ZBTB8B: variants seen among roughly 807,000 people sequenced by gnomAD.
ZBTB8B encodes zinc finger and BTB domain-containing protein 8B.
In ZBTB8B, 17 loss-of-function variants were observed where a neutral mutation model predicts 30.3. That is an observed-to-expected ratio of 0.56 (90% CI 0.38 to 0.84). ZBTB8B has a LOEUF of 0.84. Among genes scored for constraint, ZBTB8B ranks in the 40% least tolerant of loss-of-function variants. The pLI is 0.00. For synonymous variants in ZBTB8B, 248 were observed against 255.6 expected (o/e 0.97, Z 0.28); for missense variants, 515 against 644.9 (o/e 0.80, Z 2.18).
Position 32,465,692 on chromosome 1 carries a change from C to T in ZBTB8B, c.-42+587C>T, listed in dbSNP as rs886526397. Among the ~76,000 whole-genome samples, 1 of 152,200 alleles carries T rather than the reference C, an allele frequency of 6.6e-6. No individual in the cohort carries two copies. Among genetic ancestry groups the T allele is most frequent in the Admixed American group, 6.5e-5 (1 of 15,272 alleles). On this transcript the variant is annotated intron_variant, in intron 1 of 3. Coordinates refer to ENST00000609129, the MANE Select transcript of ZBTB8B (RefSeq NM_001145720.2). The surrounding 1 kb of genome is among the most constrained non-coding windows in gnomAD (Gnocchi z 4.1). ...GAAAGGAGTGACTTCCCCAACCTGT[C>T]GCATCGTGTCCTGGAGGGTTTGAGG...
chr1:32,471,759 T>C, intron 2 of ZBTB8B, 144 bp downstream of exon 2: 1 of 902,998 alleles, frequency 1.1e-6, no homozygotes, highest in Non-Finnish European at 1.6e-6. Context: ...AGTACCATCA[T>C]CATTACCATC....
At position 32,474,508 on chromosome 1, in the gene ZBTB8B, C is replaced by T. The variant is rs115818433; in HGVS notation, c.991+2893C>T. On this transcript the variant is annotated intron_variant, in intron 2 of 3. Coordinates refer to ENST00000609129, the MANE Select transcript of ZBTB8B (RefSeq NM_001145720.2). ...TGAGCTGTGATTGTGCTTCCAGCCT[C>T]GATGACAGAGTGAGACCTTGTCTCA... Among the ~76,000 whole-genome samples the T allele has an allele frequency of 7.1e-3, 1,052 of 148,946 alleles. 16 individuals carry two copies. The highest frequency in any genetic ancestry group is 0.024 in the African/African-American group (949 of 40,322).
chr1:32,471,454 T>G lies in ZBTB8B; in HGVS notation c.830T>G (p.Val277Gly). The change falls in exon 2 of 4, where the codon GTG (valine) becomes GGG (glycine). Residue 277 changes from valine to glycine, a missense_variant. Around this residue, in one of 3 missense-constraint regions of ZBTB8B, gnomAD observed 429 missense variants for 504.3 expected, o/e 0.85. Transcript: ENST00000609129. ...GACTTGGCTTACAGCAACTACCACG[T>G]GAAGCAGTTCCTGGAGGCGCTCTTG... ...AVDLAYSNYH[V>G]KQFLEALLRN... 11 of 1,551,820 alleles carry G rather than the reference T, an allele frequency of 7.1e-6. No homozygotes were observed. Among genetic ancestry groups the G allele is most frequent in the Non-Finnish European group, 9.6e-6 (11 of 1,147,016 alleles).
At chr1:32,478,509 C>A (rs561301650) in intron 2 of ZBTB8B, among the ~76,000 whole-genome samples, 1 of 151,980 alleles carries the variant, frequency 6.6e-6, no homozygotes, top group African/African-American at 2.4e-5. Context: ...GAGACTCCAT[C>A]TCAGGAAAAA....
chr1:32,472,728 C>T (rs1002967973), intron 2 of ZBTB8B, among the ~76,000 whole-genome samples: 1 of 152,162 alleles, frequency 6.6e-6, no homozygotes, highest in Non-Finnish European at 1.5e-5. Context: ...ATTCTTCTGC[C>T]TCAGCCTCCC....
Position 32,471,170 on chromosome 1 carries a change from A to C in ZBTB8B, c.546A>C (p.Gly182=). 1 of 1,551,778 alleles carries C rather than the reference A, an allele frequency of 6.4e-7. No homozygotes were observed. The highest frequency in any genetic ancestry group is 8.7e-7 in the Non-Finnish European group (1 of 1,147,016). Residue 182 remains glycine, a synonymous_variant, in exon 2 of 4, where the codon GGA becomes GGC. Coordinates refer to ENST00000609129, the MANE Select transcript of ZBTB8B (RefSeq NM_001145720.2). ...TKSLVSSPAE[G]EKSVECLRES... ...GCTTGGTCTCCTCTCCAGCCGAGGG[A>C]GAAAAGAGCGTGGAGTGCCTGAGAG...
At chr1:32,472,045 CCAT>C (rs1643626604) in intron 2 of ZBTB8B, among the ~76,000 whole-genome samples, 1 of 152,008 alleles carries the variant, frequency 6.6e-6, no homozygotes, top group African/African-American at 2.4e-5. Flanking sequence ...ATCATCATTA[CCAT>C]CATCACCAGT....
At chr1:32,476,168 C>T (rs1643663866) in intron 2 of ZBTB8B, among the ~76,000 whole-genome samples, 1 of 151,876 alleles carries the variant, frequency 6.6e-6, no homozygotes, top group East Asian at 1.9e-4. Flanking sequence ...CAGGGTCTCA[C>T]GCTGTCACCC....
chr1:32,482,061 C>T (rs1643709475), intron 3 of ZBTB8B, among the ~76,000 whole-genome samples: 1 of 152,128 alleles, frequency 6.6e-6, no homozygotes, highest in African/African-American at 2.4e-5. Context: ...GCAGCCTTGA[C>T]CTCCCAAGGC....
rs1643759817 is a variant in ZBTB8B, at chr1:32,488,397, C to T, written c.*2979C>T. On this transcript the variant is annotated 3_prime_UTR_variant, in exon 4 of 4. Transcript: ENST00000609129. ...TGATGTTTTAATGACTTTTCTACCT[C>T]ATAGTTCAGCCTCTTTGCCTGCTTT... 6.6e-6 allele frequency: 1 copy of T among 152,258 alleles called. No individual in the cohort carries two copies. The highest frequency in any genetic ancestry group is 1.5e-5 in the Non-Finnish European group (1 of 68,050). The allele number at this position is 152,258 out of a possible 1,614,324, so 9.4% of individuals were successfully genotyped here. A position where few individuals can be genotyped will look rare whatever the true frequency, so the allele number is the denominator to read the frequency against.
At chr1:32,471,694 GATCATT>G (rs1643622649) in intron 2 of ZBTB8B, 79 bp downstream of exon 2, 2 of 1,429,986 alleles carry the variant, frequency 1.4e-6, no homozygotes, top group Non-Finnish European at 1.9e-6. Context: ...CCATCATCAT[GATCATT>G]ATCACCATCA....
Position 32,487,510 on chromosome 1 carries a change from G to A in ZBTB8B, c.*2092G>A, listed in dbSNP as rs1643753956. The A allele has an allele frequency of 6.6e-6, 1 of 152,222 alleles. No individual in the cohort carries two copies. Among genetic ancestry groups the A allele is most frequent in the Non-Finnish European group, 1.5e-5 (1 of 68,062 alleles). 9.4% of individuals were successfully genotyped at this position (152,222 alleles called of 1,614,324 possible). The stretch of plus-strand genomic sequence containing the variant: ...CCACGTATTGGTCTGCAGTAGAATG[G>A]AAAATTTAAAACTTCTCTTATCACA... On this transcript the variant is annotated 3_prime_UTR_variant, in exon 4 of 4. Transcript: ENST00000609129.
chr1:32,481,198 T>C, intron 3 of ZBTB8B, 129 bp downstream of exon 3: 1 of 931,184 alleles, frequency 1.1e-6, no homozygotes, highest in Non-Finnish European at 1.5e-6. Flanking sequence ...TCCACGTATG[T>C]TTTTACTACT....
chr1:32,471,000 C>T lies in ZBTB8B; in HGVS notation c.376C>T (p.Arg126Ter). The change falls in exon 2 of 4, where the codon CGA becomes TGA. Residue 126 changes from arginine to a stop codon, truncating the protein, a stop_gained. Coordinates refer to ENST00000609129, the MANE Select transcript of ZBTB8B (RefSeq NM_001145720.2). LOFTEE classifies it high-confidence loss of function. ...CATTAGGTCATCCCTCGACATTTGC[C>T]GAAAGATGGAGAAGGAGGCTGCTGT... The part of the protein sequence containing the change: ...TYIRSSLDIC[R>*]KMEKEAAVAA... 5 of 1,552,138 alleles carry T rather than the reference C, an allele frequency of 3.2e-6. No homozygotes were observed. The highest frequency in any genetic ancestry group is 2.0e-5 in the Admixed American group (1 of 51,000).
chr1:32,482,586 G>T (rs1450316409), intron 3 of ZBTB8B, among the ~76,000 whole-genome samples: 1 of 148,130 alleles, frequency 6.8e-6, no homozygotes, highest in Non-Finnish European at 1.5e-5. Flanking sequence ...CAGGAGAACT[G>T]CTTGAACCCG....
chr1:32,478,744 G>C (rs546195453), intron 2 of ZBTB8B, among the ~76,000 whole-genome samples: 8 of 152,212 alleles, frequency 5.3e-5, no homozygotes, highest in Admixed American at 3.9e-4. Flanking sequence ...AAGGATGTTG[G>C]ACTTTCACAT....
intron 2 of ZBTB8B, among the ~76,000 whole-genome samples, chr1:32,473,163 G>T (rs1476003825): frequency 6.6e-6 from 1 of 152,184 alleles, no homozygotes; most frequent in Non-Finnish European, 1.5e-5. Context: ...AGCCAAGGCT[G>T]GGCGCGGCGG....
chr1:32,494,757 T>C lies in ZBTB8B; in HGVS notation c.*9339T>C, dbSNP rs1643804685. The C allele has an allele frequency of 6.6e-6, 1 of 152,112 alleles. No individual in the cohort carries two copies. The highest frequency in any genetic ancestry group is 6.6e-5 in the Admixed American group (1 of 15,254). 9.4% of individuals were successfully genotyped at this position (152,112 alleles called of 1,614,324 possible). A position where few individuals can be genotyped will look rare whatever the true frequency, so the allele number is the denominator to read the frequency against. ...AAAATTTCAAAAGTAAAAATATATA[T>C]ATTATTAACTTGAAGTGATTTTTTC... On this transcript the variant is annotated 3_prime_UTR_variant, in exon 4 of 4. Coordinates refer to ENST00000609129, the MANE Select transcript of ZBTB8B (RefSeq NM_001145720.2).
intron 2 of ZBTB8B, among the ~76,000 whole-genome samples, chr1:32,476,486 T>A (rs1643666204): frequency 6.6e-6 from 1 of 152,148 alleles, no homozygotes; most frequent in African/African-American, 2.4e-5. Flanking sequence ...TTAGCTCCTG[T>A]CATCTCTCAT....
Sources: allele counts gnomAD v4.1 joint callset (sites outside exome capture counted in the v4.1 genomes callset), GRCh38; gene constraint gnomAD v4.1.1; regional missense constraint gnomAD v4.1.1; non-coding constraint Gnocchi (gnomAD v3.1); transcripts MANE v1.5; gene names NCBI Gene and HGNC (gene_info 2026-07-23, HGNC 2026-07-21).